The following SLC4A4 variants were observed in gnomAD, a reference collection of about 807,000 sequenced individuals.
SLC4A4 encodes solute carrier family 4 member 4.
In SLC4A4, 27 loss-of-function variants were observed where a neutral mutation model predicts 111.5. That is an observed-to-expected ratio of 0.24 (90% confidence interval 0.18 to 0.33). The LOEUF is 0.33. Among genes scored for constraint, SLC4A4 ranks in the 10% least tolerant of loss-of-function variants. The pLI is 1.00. For synonymous variants in SLC4A4, 443 were observed against 463.4 expected (o/e 0.96, Z 0.57); for missense variants, 909 against 1,315.5 (o/e 0.69, Z 4.78).
chr4:71,067,045 C>T (rs1018266807), intron 1 of SLC4A4, among the ~76,000 whole-genome samples: 6 of 151,764 alleles, frequency 4.0e-5, no homozygotes, highest in South Asian at 2.1e-4. Flanking sequence ...TATTTTTGAC[C>T]GAAAGAGGCA....
chr4:71,129,975 C>T (rs1743659247), intron 2 of SLC4A4, among the ~76,000 whole-genome samples: 1 of 151,960 alleles, frequency 6.6e-6, no homozygotes, highest in African/African-American at 2.4e-5. Context: ...ACACTAGAGC[C>T]TACTTGAGGA....
intron 2 of SLC4A4, among the ~76,000 whole-genome samples, chr4:71,112,535 G>GA (rs1319306072): frequency 6.6e-6 from 1 of 152,142 alleles, no homozygotes; most frequent in African/African-American, 2.4e-5. Flanking sequence ...ACAGAAAAGG[G>GA]AAAAAGATAT....
At position 71,332,357 on chromosome 4, in the gene SLC4A4, C is replaced by T. The variant is rs565596628; in HGVS notation, c.254-7013C>T. The stretch of plus-strand genomic sequence containing the variant: ...CTCTCCCTTCTCTTTATGCCAATAA[C>T]CCTTAGCTTTGCCCTTTTAGGCTGT... On this transcript the variant is annotated intron_variant, in intron 3 of 25. Transcript: ENST00000264485. Among the ~76,000 whole-genome samples the T allele has an allele frequency of 7.9e-5, 12 of 152,098 alleles. No individual in the cohort carries two copies. In the South Asian group the frequency reaches 1.7e-3, roughly 21 times the overall value.
At chr4:71,175,525 G>T (rs1189510205) in intron 2 of SLC4A4, among the ~76,000 whole-genome samples, 16 of 152,254 alleles carry the variant, frequency 1.1e-4, no homozygotes, top group Non-Finnish European at 2.1e-4. Context: ...CACACCAGGA[G>T]ATTATATCCC....
chr4:71,436,999 T>C (rs1480002331), intron 7 of SLC4A4: 5 of 361,204 alleles, frequency 1.4e-5, no homozygotes, highest in African/African-American at 2.2e-5. Context: ...CAAAATACTT[T>C]CTGTTAAATC....
chr4:71,442,565 T>C (rs771508624), intron 8 of SLC4A4, among the ~76,000 whole-genome samples: 8 of 152,076 alleles, frequency 5.3e-5, no homozygotes, highest in Non-Finnish European at 1.2e-4. Flanking sequence ...TCCTGTGAAA[T>C]CCAATAAAGG....
At chr4:71,473,556 G>A (rs902983448) in intron 14 of SLC4A4, among the ~76,000 whole-genome samples, 1 of 151,874 alleles carries the variant, frequency 6.6e-6, no homozygotes, top group African/African-American at 2.4e-5. Flanking sequence ...AAGAAGGAAT[G>A]TGATGTTCTA....
chr4:71,432,731 A>C (rs1273292107), intron 7 of SLC4A4, among the ~76,000 whole-genome samples: 1 of 145,372 alleles, frequency 6.9e-6, no homozygotes, highest in Non-Finnish European at 1.6e-5. Flanking sequence ...TATCAAATTT[A>C]AAAAAATCTT....
chr4:71,085,121 AT>A (rs1742119526), intron 1 of SLC4A4, among the ~76,000 whole-genome samples: 1 of 151,868 alleles, frequency 6.6e-6, no homozygotes, highest in Non-Finnish European at 1.5e-5. Flanking sequence ...ATGGTATCTC[AT>A]TGTGGTTTTG....
At chr4:71,354,240 GA>G (rs1299690681) in intron 5 of SLC4A4, among the ~76,000 whole-genome samples, 2 of 152,134 alleles carry the variant, frequency 1.3e-5, no homozygotes, top group African/African-American at 4.8e-5. Flanking sequence ...AGTGAATTGG[GA>G]AAATGTAGCT....
chr4:71,363,079 C>T lies in SLC4A4; in HGVS notation c.730+5892C>T, dbSNP rs185714326. 7.6e-4 allele frequency among the ~76,000 whole-genome samples: 116 copies of T among 152,298 alleles called. 1 individual carries two copies. Among genetic ancestry groups the T allele is most frequent in the Admixed American group, 1.5e-3 (23 of 15,290 alleles). ...TTAAGGTTATCTGCCAGGTGGGATGCCACTTCCTAGCTGTCTCCCATATTG... is the reference window on the plus strand; with the variant it reads ...TTAAGGTTATCTGCCAGGTGGGATGTCACTTCCTAGCTGTCTCCCATATTG... On this transcript the variant is annotated intron_variant, in intron 6 of 25. Transcript: ENST00000264485.
At chr4:71,561,606 G>C (rs1045236911) in intron 23 of SLC4A4, among the ~76,000 whole-genome samples, 5 of 151,792 alleles carry the variant, frequency 3.3e-5, no homozygotes, top group Non-Finnish European at 5.9e-5. Flanking sequence ...AAGAGAAAAA[G>C]AGGTGAAAAG....
At chr4:71,441,353 G>A (rs1577911322) in intron 8 of SLC4A4, among the ~76,000 whole-genome samples, 2 of 152,200 alleles carry the variant, frequency 1.3e-5, no homozygotes, top group East Asian at 3.9e-4. Flanking sequence ...CTCTTCATCC[G>A]CCTCTGAAAC....
intron 14 of SLC4A4, among the ~76,000 whole-genome samples, chr4:71,480,538 G>A (rs1728779946): frequency 6.6e-6 from 1 of 151,606 alleles, no homozygotes; most frequent in African/African-American, 2.4e-5. Flanking sequence ...GAAATTAAAA[G>A]CATACATATT....
At chr4:71,422,556 A>C (rs1196519002) in intron 7 of SLC4A4, among the ~76,000 whole-genome samples, 5 of 152,340 alleles carry the variant, frequency 3.3e-5, no homozygotes, top group Admixed American at 2.6e-4. Context: ...TTAGACCAAT[A>C]TCCTTTATGA....
intron 2 of SLC4A4, among the ~76,000 whole-genome samples, chr4:71,136,558 G>T (rs1743848330): frequency 6.6e-6 from 1 of 152,192 alleles, no homozygotes; most frequent in Admixed American, 6.5e-5. Context: ...TCAAGACTCA[G>T]TTATGGTTTT....
chr4:71,121,013 G>A (rs560917624), intron 2 of SLC4A4, among the ~76,000 whole-genome samples: 9 of 152,220 alleles, frequency 5.9e-5, no homozygotes, highest in East Asian at 1.9e-4. Context: ...GGTAGGTCCC[G>A]CACTTGGAGT....
At chr4:71,340,166 G>C (rs560915955) in intron 4 of SLC4A4, among the ~76,000 whole-genome samples, 57 of 152,292 alleles carry the variant, frequency 3.7e-4, no homozygotes, top group Admixed American at 9.8e-4. Context: ...CGAGGCTGCA[G>C]TGATCTCTGA....
chr4:71,312,981 T>C (rs1016592944), intron 3 of SLC4A4, among the ~76,000 whole-genome samples: 2 of 152,158 alleles, frequency 1.3e-5, no homozygotes, highest in Non-Finnish European at 2.9e-5. Context: ...AAAGAGGAAG[T>C]CAAATTGTCT....
Sources: allele counts gnomAD v4.1 joint callset (sites outside exome capture counted in the v4.1 genomes callset), GRCh38; gene constraint gnomAD v4.1.1; transcripts MANE v1.5; gene names NCBI Gene and HGNC (gene_info 2026-07-23, HGNC 2026-07-21).